The following PUS1 variants were observed in gnomAD, a reference collection of about 807,000 sequenced individuals.
The protein encoded by PUS1 is pseudouridine synthase 1.
A neutral mutation model predicts 38.5 loss-of-function variants in PUS1; 25 were observed. The ratio of observed to expected loss-of-function variants is 0.65; its 90% CI spans 0.47 to 0.91. PUS1 has a LOEUF of 0.91. Among genes scored for constraint, PUS1 ranks in the 40% least tolerant of loss-of-function variants. The probability of loss-of-function intolerance (pLI) is 0.00; values close to 1 mark genes in which losing one functional copy is unlikely to be tolerated. For synonymous variants in PUS1, 282 were observed against 260.4 expected, an observed-to-expected ratio of 1.08 and a Z score of -0.80; for missense variants, 597 against 612.3, an observed-to-expected ratio of 0.97 and a Z score of 0.26.
chr12:131,932,031 A>G (rs1290256653), intron 2 of PUS1, 144 bp from the exon 3 acceptor site: 1 of 754,502 alleles, frequency 1.3e-6, no homozygotes, highest in South Asian at 1.5e-5. Context: ...GTGTTTTCAC[A>G]TGAGCGTGGC....
rs1198757445 is a variant in PUS1, at chr12:131,930,783, G to A, written c.303+648G>A. ...GGGCTGTAAGTGTCCTTGACCTCAC[G>A]GCCTGAATAATTTTTTTTATAATTT... On this transcript the variant is annotated intron_variant, in intron 2 of 5. Transcript: ENST00000376649. Among the ~76,000 whole-genome samples, 3 of 151,996 alleles carry A rather than the reference G, an allele frequency of 2.0e-5. No homozygotes were observed. The East Asian group carries it at 5.8e-4, about 29-fold the overall frequency.
At position 131,939,259 on chromosome 12, in the gene PUS1, TCA is replaced by T. The variant is rs768126003; in HGVS notation, c.531_532del (p.Ile178SerfsTer13). 1 of 1,556,382 alleles carries T rather than the reference TCA, an allele frequency of 6.4e-7. No homozygotes were observed. The highest frequency in any genetic ancestry group is 8.7e-7 in the Non-Finnish European group (1 of 1,148,506). On this transcript the variant is annotated frameshift_variant, in exon 4 of 6. Transcript: ENST00000376649. LOFTEE classifies it high-confidence loss of function. The stretch of plus-strand genomic sequence containing the variant: ...AAAAGATCAACAGCCACCTTCCCTC[TCA>T]CATTCGGATTCTGGGTAAGCCTTGC... ...LEKINSHLPS[H>X]IRILGLKRVT...
At chr12:131,931,237 C>T (rs1437542930) in intron 2 of PUS1, among the ~76,000 whole-genome samples, 3 of 152,130 alleles carry the variant, frequency 2.0e-5, no homozygotes, top group Non-Finnish European at 4.4e-5. Flanking sequence ...TGGCTTACTG[C>T]AGCCTCCGCC....
At chr12:131,932,594 G>A (rs1449572342) in intron 3 of PUS1, 10 of 544,522 alleles carry the variant, frequency 1.8e-5, no homozygotes, top group East Asian at 3.2e-5. Context: ...AGGTGGCACA[G>A]TGGCGGCCGC....
intron 3 of PUS1, chr12:131,932,692 T>C (rs1489211201): frequency 2.5e-6 from 1 of 403,626 alleles, no homozygotes; most frequent in Non-Finnish European, 4.8e-6. Flanking sequence ...ACTTGTATGA[T>C]GCAACATTCT....
chr12:131,943,329 C>CCCCT (rs1891170515), intron 5 of PUS1, among the ~76,000 whole-genome samples: 1 of 152,210 alleles, frequency 6.6e-6, no homozygotes, highest in Non-Finnish European at 1.5e-5. Flanking sequence ...CCAACAAAGG[C>CCCCT]CCCTCTAGTG....
intron 3 of PUS1, among the ~76,000 whole-genome samples, chr12:131,936,807 T>C (rs1182991869): frequency 6.6e-6 from 1 of 151,814 alleles, no homozygotes; most frequent in Non-Finnish European, 1.5e-5. Context: ...GAGAATCTCT[T>C]GAATACAGAA....
At chr12:131,942,510 C>G (rs949893225) in intron 5 of PUS1, among the ~76,000 whole-genome samples, 2 of 152,196 alleles carry the variant, frequency 1.3e-5, no homozygotes, top group Non-Finnish European at 2.9e-5. Context: ...GGGTTCACGC[C>G]ATTCTCCTGC....
At chr12:131,934,293 T>A (rs1890731570) in intron 3 of PUS1, among the ~76,000 whole-genome samples, 1 of 152,140 alleles carries the variant, frequency 6.6e-6, no homozygotes, top group Admixed American at 6.5e-5. Flanking sequence ...AGCAGAGTGT[T>A]CTCTGACTAC....
intron 2 of PUS1, chr12:131,931,414 C>G (rs1221243482): frequency 6.6e-6 from 1 of 152,260 alleles, no homozygotes; most frequent in East Asian, 1.9e-4. Context: ...CTGTCTCCGT[C>G]TCCCAAAGTG....
chr12:131,929,675 T>G lies in PUS1; in HGVS notation c.-48T>G. ...AGAGGCGGAGCTGGGGCACTGGGGG[T>G]CAGGGGTCGGGGATCAGGGCGGGGT... is the stretch of plus-strand genomic sequence containing the variant. On this transcript the variant is annotated 5_prime_UTR_variant, in exon 1 of 6. Transcript: ENST00000376649. The G allele has an allele frequency of 1.4e-6, 2 of 1,411,224 alleles. No homozygotes were observed. The highest frequency in any genetic ancestry group is 3.0e-5 in the East Asian group (1 of 33,386). The allele number at this position is 1,411,224 out of a possible 1,614,324, so 87.4% of individuals were successfully genotyped here. A position where few individuals can be genotyped will look rare whatever the true frequency, so the allele number is the denominator to read the frequency against.
At position 131,939,254 on chromosome 12, in the gene PUS1, C is replaced by T. The variant is rs777972973; in HGVS notation, c.523C>T (p.Pro175Ser). ...TCTAGAAAAGATCAACAGCCACCTT[C>T]CCTCTCACATTCGGATTCTGGGTAA... ...DILEKINSHL[P>S]SHIRILGLKR... The change falls in exon 4 of 6, where the codon CCC becomes TCC. Residue 175 changes from proline (P) to serine (S), a missense_variant. Physicochemically the swap from Pro to Ser is moderately conservative, Grantham distance 74. Coordinates refer to ENST00000376649, the MANE Select transcript of PUS1 (RefSeq NM_025215.6). 3.2e-6 allele frequency: 5 copies of T among 1,557,448 alleles called. No homozygotes were observed. The African/African-American group carries it at 6.8e-5, about 21-fold the overall frequency.
rs375967131 is a variant in PUS1 at position 131,929,817 on chromosome 12, C to G, written c.74+21C>G. Reference sequence around the variant, plus strand: ...TCCTGGTAATGACCGCGACGCCGGGCGACCCCGCTATGCCCGCCCAGCCCA... The same window carrying G: ...TCCTGGTAATGACCGCGACGCCGGGGGACCCCGCTATGCCCGCCCAGCCCA... On this transcript the variant is annotated intron_variant, in intron 1 of 5. Transcript: ENST00000376649. 15 of 1,565,452 alleles carry G rather than the reference C, an allele frequency of 9.6e-6. No homozygotes were observed. The African/African-American group carries it at 1.9e-4, about 20-fold the overall frequency.
At chr12:131,932,144 T>C (rs759645351) in intron 2 of PUS1, 31 bp from the exon 3 acceptor site, 97 of 1,609,480 alleles carry the variant, frequency 6.0e-5, no homozygotes, top group Non-Finnish European at 7.4e-5. Context: ...GTCTGCAAAA[T>C]ATAAAATCTG....
At chr12:131,940,607 T>A (rs1891020902) in intron 4 of PUS1, among the ~76,000 whole-genome samples, 1 of 152,202 alleles carries the variant, frequency 6.6e-6, no homozygotes, top group African/African-American at 2.4e-5. Flanking sequence ...TGATGGAGTC[T>A]TGTTCTGTTG....
At chr12:131,930,291 T>G (rs939520185) in intron 2 of PUS1, among the ~76,000 whole-genome samples, 156 bp downstream of exon 2, 1 of 152,194 alleles carries the variant, frequency 6.6e-6, no homozygotes, top group African/African-American at 2.4e-5. Flanking sequence ...CAGCTTTCAC[T>G]GCTCCTGCTG....
intron 4 of PUS1, chr12:131,941,000 C>G (rs1891036042): frequency 4.2e-6 from 2 of 478,192 alleles, no homozygotes; most frequent in East Asian, 7.2e-5. Flanking sequence ...AAGCATGTAT[C>G]ATTTCTTTGT....
chr12:131,934,319 A>G (rs1484594993), intron 3 of PUS1, among the ~76,000 whole-genome samples: 1 of 151,666 alleles, frequency 6.6e-6, no homozygotes, highest in African/African-American at 2.4e-5. Flanking sequence ...GGAGAGGGAG[A>G]CTCCCTTTGC....
intron 4 of PUS1, chr12:131,940,868 C>T (rs557977480): frequency 1.6e-5 from 3 of 184,234 alleles, no homozygotes; most frequent in African/African-American, 2.3e-5. Flanking sequence ...CCACTGCGCC[C>T]GGCTGCTTTT....
Sources: gnomAD v4.1 joint callset for allele counts (sites outside exome capture counted in the v4.1 genomes callset) on GRCh38, gnomAD v4.1.1 for gene constraint, MANE v1.5 for transcripts, NCBI Gene and HGNC (gene_info 2026-07-23, HGNC 2026-07-21) for gene names.